OTOGL: variants seen among roughly 807,000 people sequenced by gnomAD.
The protein encoded by OTOGL is otogelin like.
In OTOGL, 285 loss-of-function variants were observed where a neutral mutation model predicts 318.5. That is an observed-to-expected ratio of 0.89 (90% CI 0.81 to 0.99). The LOEUF is 0.99. Ranked by LOEUF, OTOGL falls within the 50% of genes least tolerant of loss-of-function variation. The pLI, the probability that OTOGL is intolerant of heterozygous loss-of-function variation, is 0.00. For synonymous variants in OTOGL, 987 were observed against 936.5 expected (o/e 1.05, Z -0.99); for missense variants, 2,899 against 2,845.6 (o/e 1.02, Z -0.43).
chr12:80,325,655 G>C (rs534426775), intron 35 of OTOGL, among the ~76,000 whole-genome samples: 1 of 152,314 alleles, frequency 6.6e-6, no homozygotes, highest in South Asian at 2.1e-4. Flanking sequence ...CTGAAAAGAA[G>C]TCTTCATTCA....
In OTOGL at chr12:80,256,436, C is replaced by A. The variant is rs749485050; in HGVS notation, c.1687C>A (p.Pro563Thr). The change falls in exon 17 of 59, where the codon CCT (proline) becomes ACT (threonine). Residue 563 changes from proline (P) to threonine (T), a missense_variant. Physicochemically the swap from Pro to Thr is conservative, Grantham distance 38. Coordinates refer to ENST00000547103, the MANE Select transcript of OTOGL (RefSeq NM_001378609.3). ...LGRGGQILTSPNQGFNLNGIV... is the reference protein window; with the variant it reads ...LGRGGQILTSTNQGFNLNGIV... Reference sequence around the variant, plus strand: ...TAGGGGAGGACAAATTCTCACTAGTCCTAACCAAGGCTTCAACCTGAATGG... The same window carrying A: ...TAGGGGAGGACAAATTCTCACTAGTACTAACCAAGGCTTCAACCTGAATGG... 3.2e-6 allele frequency: 5 copies of A among 1,585,356 alleles called. No homozygotes were observed. The South Asian group carries it at 4.5e-5, about 14-fold the overall frequency.
chr12:80,229,503 C>T (rs1879177124), intron 8 of OTOGL, 125 bp downstream of exon 8: 2 of 1,281,536 alleles, frequency 1.6e-6, no homozygotes, highest in Non-Finnish European at 2.1e-6. Context: ...ACTCTTAAAG[C>T]TATAACATAC....
chr12:80,267,184 G>T, intron 21 of OTOGL, 69 bp from the exon 22 acceptor site: 1 of 969,918 alleles, frequency 1.0e-6, no homozygotes, highest in South Asian at 1.6e-5. Flanking sequence ...GAGAGCACAA[G>T]GTCAGCTTGA....
intron 26 of OTOGL, among the ~76,000 whole-genome samples, chr12:80,289,490 G>A (rs895795491): frequency 6.6e-6 from 1 of 152,178 alleles, no homozygotes; most frequent in African/African-American, 2.4e-5. Flanking sequence ...CTGAAGCTGT[G>A]CCCACAGCTG....
intron 26 of OTOGL, among the ~76,000 whole-genome samples, chr12:80,284,630 C>T (rs546364830): frequency 1.8e-3 from 268 of 152,112 alleles, no homozygotes; most frequent in Middle Eastern, 3.4e-3. Context: ...TAATGACCAG[C>T]GATGATGAGC....
chr12:80,113,888 T>C (rs1869997346), intron 1 of OTOGL, among the ~76,000 whole-genome samples: 1 of 152,206 alleles, frequency 6.6e-6, no homozygotes, highest in African/African-American at 2.4e-5. Context: ...TTTGCCTTTT[T>C]TCATCTTTTT....
intron 1 of OTOGL, among the ~76,000 whole-genome samples, chr12:80,107,636 A>G (rs1178279376): frequency 6.6e-6 from 1 of 152,176 alleles, no homozygotes; most frequent in Admixed American, 6.5e-5. Flanking sequence ...TCTACCATAA[A>G]GACACATGTA....
At position 80,192,305 on chromosome 12, in the gene OTOGL, G is replaced by C. The variant is rs540983263; in HGVS notation, c.-19-17108G>C. On this transcript the variant is annotated intron_variant, in intron 1 of 58. Transcript: ENST00000547103. ...CAAAACCAGTGCAGTTCTAGGAGGG[G>C]CCCCGCCTGCTGGTCCGGTCATGGT... Among the ~76,000 whole-genome samples the C allele has an allele frequency of 5.5e-3, 842 of 152,306 alleles. 9 individuals are homozygous for C. Among genetic ancestry groups the C allele is most frequent in the African/African-American group, 0.019 (794 of 41,566 alleles).
intron 44 of OTOGL, among the ~76,000 whole-genome samples, chr12:80,347,547 G>A (rs1488292213): frequency 6.6e-6 from 1 of 152,052 alleles, no homozygotes; most frequent in African/African-American, 2.4e-5. Context: ...ATTATTGATG[G>A]GCATTTGGGT....
chr12:80,194,993 G>A (rs557642149), intron 1 of OTOGL, among the ~76,000 whole-genome samples: 1 of 152,050 alleles, frequency 6.6e-6, no homozygotes, highest in Non-Finnish European at 1.5e-5. Flanking sequence ...TGTTGCAAAA[G>A]CCTCATTTTA....
chr12:80,288,486 G>T (rs1400905398), intron 26 of OTOGL, among the ~76,000 whole-genome samples: 1 of 152,102 alleles, frequency 6.6e-6, no homozygotes, highest in Non-Finnish European at 1.5e-5. Context: ...ATATCCTGAG[G>T]TGTGTTTTCC....
intron 1 of OTOGL, among the ~76,000 whole-genome samples, chr12:80,191,512 G>A (rs1198939444): frequency 6.6e-6 from 1 of 152,158 alleles, no homozygotes; most frequent in African/African-American, 2.4e-5. Flanking sequence ...CGAGCTAAGT[G>A]AATTTTTATA....
At chr12:80,271,944 T>A in intron 24 of OTOGL, 134 bp downstream of exon 24, 1 of 1,012,040 alleles carries the variant, frequency 9.9e-7, no homozygotes, top group Non-Finnish European at 1.4e-6. Flanking sequence ...GCTAGAAGAC[T>A]ATTGTGATTG....
At chr12:80,113,405 C>T (rs746838637) in intron 1 of OTOGL, among the ~76,000 whole-genome samples, 3 of 152,156 alleles carry the variant, frequency 2.0e-5, no homozygotes, top group Non-Finnish European at 4.4e-5. Flanking sequence ...ATAAATTTCC[C>T]TCTAAACACT....
At chr12:80,101,082 G>A (rs1197397327) in intron 1 of OTOGL, among the ~76,000 whole-genome samples, 2 of 152,138 alleles carry the variant, frequency 1.3e-5, no homozygotes, top group Admixed American at 1.3e-4. Flanking sequence ...AAGGTAAAAT[G>A]AAAAGCCTCA....
At chr12:80,229,886 G>A (rs1323164057) in intron 8 of OTOGL, among the ~76,000 whole-genome samples, 1 of 152,090 alleles carries the variant, frequency 6.6e-6, no homozygotes, top group Non-Finnish European at 1.5e-5. Flanking sequence ...GCCAACAACT[G>A]CCTGGCCTCG....
At chr12:80,160,710 TG>T (rs2137192127) in intron 1 of OTOGL, among the ~76,000 whole-genome samples, 1 of 152,278 alleles carries the variant, frequency 6.6e-6, no homozygotes, top group South Asian at 2.1e-4. Context: ...AACTACCATT[TG>T]ATCCAGCAAT....
chr12:80,239,189 A>T, intron 10 of OTOGL, 144 bp from the exon 11 acceptor site: 1 of 919,408 alleles, frequency 1.1e-6, no homozygotes, highest in Non-Finnish European at 1.5e-6. Flanking sequence ...TAATGTAGTC[A>T]GAAAAATGTT....
intron 1 of OTOGL, among the ~76,000 whole-genome samples, chr12:80,149,445 A>G (rs970790914): frequency 3.9e-5 from 6 of 152,154 alleles, no homozygotes; most frequent in Admixed American, 2.0e-4. Context: ...CCAGTTGCGT[A>G]CTGGGAGAAC....
Sources: gnomAD v4.1 joint callset for allele counts (sites outside exome capture counted in the v4.1 genomes callset) on GRCh38, gnomAD v4.1.1 for gene constraint, MANE v1.5 for transcripts, NCBI Gene and HGNC (gene_info 2026-07-23, HGNC 2026-07-21) for gene names.